Variants in GOLPH3 observed in about 807,000 individuals in gnomAD.
The protein encoded by GOLPH3 is coat protein GPP34.
A neutral mutation model predicts 28.5 loss-of-function variants in GOLPH3; 14 were observed. The ratio of observed to expected loss-of-function variants is 0.49; its 90% CI spans 0.32 to 0.77. GOLPH3 has a LOEUF of 0.77. Among genes scored for constraint, GOLPH3 ranks in the 30% least tolerant of loss-of-function variants. The pLI is 0.03. For missense variants in GOLPH3, 350 were observed against 393.7 expected (o/e 0.89, Z 0.94); for synonymous variants, 158 against 159.2 (o/e 0.99, Z 0.06).
At chr5:32,147,670 C>T (rs1746208340) in intron 1 of GOLPH3, among the ~76,000 whole-genome samples, 2 of 151,888 alleles carry the variant, frequency 1.3e-5, no homozygotes, top group Non-Finnish European at 1.5e-5. Flanking sequence ...TAAGGTTTTC[C>T]TTACTGATCA....
chr5:32,149,726 G>A (rs1746263470), intron 1 of GOLPH3, among the ~76,000 whole-genome samples: 1 of 152,228 alleles, frequency 6.6e-6, no homozygotes, highest in African/African-American at 2.4e-5. Flanking sequence ...GCTGGGCACT[G>A]TGGCTCACGC....
intron 1 of GOLPH3, among the ~76,000 whole-genome samples, chr5:32,159,619 T>G: frequency 6.6e-6 from 1 of 152,228 alleles, no homozygotes; most frequent in East Asian, 1.9e-4. Flanking sequence ...AAAGTATATT[T>G]AACAGCATCT....
intron 1 of GOLPH3, among the ~76,000 whole-genome samples, chr5:32,170,876 C>A (rs1406201774): frequency 6.6e-6 from 1 of 151,998 alleles, no homozygotes; most frequent in Admixed American, 6.6e-5. Flanking sequence ...CAACCCCACC[C>A]CTCAACTCTC....
chr5:32,159,309 T>C (rs1746524089), intron 1 of GOLPH3, among the ~76,000 whole-genome samples: 2 of 152,256 alleles, frequency 1.3e-5, no homozygotes. Flanking sequence ...GTTTCACATA[T>C]ACCTTATACA....
intron 2 of GOLPH3, among the ~76,000 whole-genome samples, chr5:32,141,758 C>A (rs912950345): frequency 2.6e-5 from 4 of 152,172 alleles, no homozygotes; most frequent in Non-Finnish European, 5.9e-5. Flanking sequence ...CGCGCCGCCA[C>A]GCCTGACTGG....
chr5:32,134,001 ACCTTG>A, intron 3 of GOLPH3, among the ~76,000 whole-genome samples: 1 of 152,298 alleles, frequency 6.6e-6, no homozygotes, highest in African/African-American at 2.4e-5. Flanking sequence ...AAAATAATGA[ACCTTG>A]CCTTAAGTGT....
At chr5:32,131,741 A>G (rs1401090756) in intron 3 of GOLPH3, among the ~76,000 whole-genome samples, 1 of 152,262 alleles carries the variant, frequency 6.6e-6, no homozygotes, top group Non-Finnish European at 1.5e-5. Context: ...AAGATTATTC[A>G]TGTCCACTGC....
At chr5:32,139,177 T>C (rs982078357) in intron 2 of GOLPH3, among the ~76,000 whole-genome samples, 8 of 152,278 alleles carry the variant, frequency 5.3e-5, no homozygotes, top group African/African-American at 9.6e-5. Context: ...ATTCAACCAA[T>C]TGAGGATCAA....
At chr5:32,162,990 A>C (rs1746623536) in intron 1 of GOLPH3, among the ~76,000 whole-genome samples, 1 of 152,192 alleles carries the variant, frequency 6.6e-6, no homozygotes, top group Non-Finnish European at 1.5e-5. Flanking sequence ...AGGCAGGAGA[A>C]TGGCGTGAAC....
chr5:32,159,897 T>C (rs1336907645), intron 1 of GOLPH3, among the ~76,000 whole-genome samples: 8 of 152,326 alleles, frequency 5.3e-5, no homozygotes, highest in Non-Finnish European at 8.8e-5. Context: ...CTTTTACTAC[T>C]GCATCATACT....
intron 2 of GOLPH3, among the ~76,000 whole-genome samples, chr5:32,137,603 G>A (rs1335855807): frequency 3.9e-5 from 6 of 152,058 alleles, no homozygotes; most frequent in African/African-American, 1.4e-4. Context: ...AGGCTGCAGT[G>A]AGCTGAGATC....
In GOLPH3 at chr5:32,135,699, C is replaced by G. The variant is rs1230635619; in HGVS notation, c.358-13G>C. On this transcript the variant is annotated splice_polypyrimidine_tract_variant and intron_variant, in intron 2 of 3. Coordinates refer to ENST00000265070, the MANE Select transcript of GOLPH3 (RefSeq NM_022130.4). ...ACTTACAGATTACCTAAAAAGAAAG[C>G]AAAAAGAATGAAAGGATCCACGAAT... 2 of 1,523,668 alleles carry G rather than the reference C, an allele frequency of 1.3e-6. No homozygotes were observed. The highest frequency in any genetic ancestry group is 9.1e-7 in the Non-Finnish European group (1 of 1,099,612). 94.4% of individuals were successfully genotyped at this position (1,523,668 alleles called of 1,614,324 possible). A position where few individuals can be genotyped will look rare whatever the true frequency, so the allele number is the denominator to read the frequency against.
chr5:32,162,717 T>TCAGCACCATG (rs1746613617), intron 1 of GOLPH3, among the ~76,000 whole-genome samples: 1 of 152,172 alleles, frequency 6.6e-6, no homozygotes, highest in South Asian at 2.1e-4. Flanking sequence ...ACCATGTGGT[T>TCAGCACCATG]TTCAAAGCAC....
Position 32,158,136 on chromosome 5 carries a change from C to A in GOLPH3, c.226-14256G>T, listed in dbSNP as rs1479102856. On this transcript the variant is annotated intron_variant, in intron 1 of 3. Transcript: ENST00000265070. Reference sequence around the variant, plus strand: ...TAAATAAATAAATAAATAAAATACACACACACACACACACACACACACACA... The same window carrying A: ...TAAATAAATAAATAAATAAAATACAAACACACACACACACACACACACACA... Among the ~76,000 whole-genome samples, 80 of 61,626 alleles carry A rather than the reference C, an allele frequency of 1.3e-3. 5 individuals carry two copies. Among genetic ancestry groups the A allele is most frequent in the African/African-American group, 4.3e-3 (73 of 17,020 alleles). The allele number at this position is 61,626 out of a possible 152,430, so 40.4% of individuals were successfully genotyped here.
chr5:32,160,597 T>C (rs1007693193), intron 1 of GOLPH3, among the ~76,000 whole-genome samples: 1 of 152,232 alleles, frequency 6.6e-6, no homozygotes, highest in African/African-American at 2.4e-5. Context: ...ATACTAGGCA[T>C]TGTGCTAGAT....
At chr5:32,134,520 TAAAAAAAA>T (rs1224752113) in intron 3 of GOLPH3, among the ~76,000 whole-genome samples, 6 of 112,130 alleles carry the variant, frequency 5.4e-5, no homozygotes, top group Admixed American at 4.7e-4. Flanking sequence ...AAAAATAAAA[TAAAAAAAA>T]AAAAAAAAAA....
Position 32,125,368 on chromosome 5 carries a change from A to T in GOLPH3, c.*844T>A, listed in dbSNP as rs1745654848. Reference sequence around the variant, plus strand: ...GTACCATAAATGGCACAGCTCAAAAAATCCCAGGACCAATCAGACACACAT... The same window carrying T: ...GTACCATAAATGGCACAGCTCAAAATATCCCAGGACCAATCAGACACACAT... On this transcript the variant is annotated 3_prime_UTR_variant, in exon 4 of 4. Transcript: ENST00000265070. 6.6e-6 allele frequency: 1 copy of T among 152,660 alleles called. No homozygotes were observed. The highest frequency in any genetic ancestry group is 2.1e-4 in the South Asian group (1 of 4,830). 9.5% of individuals were successfully genotyped at this position (152,660 alleles called of 1,614,324 possible).
rs185313768 is a variant in GOLPH3 at position 32,166,606 on chromosome 5, G to A, written c.225+7204C>T. Among the ~76,000 whole-genome samples the A allele has an allele frequency of 3.1e-3, 477 of 152,172 alleles. 1 individual carries two copies. The highest frequency in any genetic ancestry group is 0.011 in the African/African-American group (448 of 41,522). On this transcript the variant is annotated intron_variant, in intron 1 of 3. Coordinates refer to ENST00000265070, the MANE Select transcript of GOLPH3 (RefSeq NM_022130.4). The stretch of plus-strand genomic sequence containing the variant: ...GCGGATCACTTGAGGTCAAGAGTTC[G>A]AGACCAGCCTGGCCAACATGGTGAA...
At chr5:32,173,770 C>A (rs1746907195) in intron 1 of GOLPH3, 40 bp downstream of exon 1, 1 of 1,299,972 alleles carries the variant, frequency 7.7e-7, no homozygotes, top group Non-Finnish European at 9.7e-7. Flanking sequence ...GCGCCCGGGC[C>A]CCGCGCCGCC....
Sources: gnomAD v4.1 joint callset for allele counts (sites outside exome capture counted in the v4.1 genomes callset) on GRCh38, gnomAD v4.1.1 for gene constraint, MANE v1.5 for transcripts, NCBI Gene and HGNC (gene_info 2026-07-23, HGNC 2026-07-21) for gene names.